DISC1: variants seen among roughly 807,000 people sequenced by gnomAD.
The protein encoded by DISC1 is DISC1 scaffold protein.
In DISC1, 57 loss-of-function variants were observed where a neutral mutation model predicts 84.5. That is an observed-to-expected ratio of 0.67 (90% CI 0.55 to 0.84). DISC1 has a LOEUF of 0.84. Among genes scored for constraint, DISC1 ranks in the 40% least tolerant of loss-of-function variants. The pLI is 0.00. For missense variants in DISC1, 1,000 were observed against 1,057.8 expected (o/e 0.95, Z 0.76); for synonymous variants, 411 against 415.2 (o/e 0.99, Z 0.12).
At chr1:231,821,060 C>T (rs1192616660) in intron 9 of DISC1, among the ~76,000 whole-genome samples, 2 of 152,160 alleles carry the variant, frequency 1.3e-5, no homozygotes, top group Middle Eastern at 3.4e-3. Context: ...GTGAGTCCAC[C>T]GAGGTCAGAA....
At chr1:231,881,250 A>G (rs1008321765) in intron 9 of DISC1, among the ~76,000 whole-genome samples, 5 of 152,154 alleles carry the variant, frequency 3.3e-5, no homozygotes, top group Non-Finnish European at 5.9e-5. Context: ...TGCCATAACC[A>G]AAGACCACAA....
intron 3 of DISC1, among the ~76,000 whole-genome samples, chr1:231,741,487 G>T (rs1258225638): frequency 6.6e-6 from 1 of 152,204 alleles, no homozygotes; most frequent in Non-Finnish European, 1.5e-5. Context: ...TTTGCTGTGA[G>T]CCAGGCAGCA....
intron 11 of DISC1, among the ~76,000 whole-genome samples, chr1:232,019,355 G>GA (rs1015508352): frequency 2.0e-5 from 3 of 152,040 alleles, no homozygotes; most frequent in Non-Finnish European, 2.9e-5. Context: ...GTTCAGAAAG[G>GA]AAAAAAATAA....
chr1:231,868,736 T>TATA (rs2085246169), intron 9 of DISC1, among the ~76,000 whole-genome samples: 1 of 108,270 alleles, frequency 9.2e-6, no homozygotes, highest in Non-Finnish European at 2.0e-5. Context: ...ATATATATAT[T>TATA]TAGCTGGGCA....
intron 1 of DISC1, among the ~76,000 whole-genome samples, chr1:231,634,164 G>A (rs2058990265): frequency 6.6e-6 from 1 of 152,082 alleles, no homozygotes; most frequent in Non-Finnish European, 1.5e-5. Context: ...GATTACAGGA[G>A]TGAGCCACCG....
At chr1:231,779,093 T>A (rs1439400306) in intron 6 of DISC1, among the ~76,000 whole-genome samples, 4 of 152,170 alleles carry the variant, frequency 2.6e-5, no homozygotes, top group Non-Finnish European at 5.9e-5. Context: ...CTCACACCCC[T>A]GCACCTAAAG....
At chr1:232,017,768 C>T (rs942273897) in intron 11 of DISC1, among the ~76,000 whole-genome samples, 1 of 152,140 alleles carries the variant, frequency 6.6e-6, no homozygotes, top group Non-Finnish European at 1.5e-5. Context: ...AGCACAATGT[C>T]TGAAAGAGAG....
intron 8 of DISC1, among the ~76,000 whole-genome samples, chr1:231,804,081 A>G (rs1163715525): frequency 6.6e-6 from 1 of 152,086 alleles, no homozygotes; most frequent in African/African-American, 2.4e-5. Context: ...GGCAAGGGGA[A>G]GGAAACAGGT....
intron 10 of DISC1, among the ~76,000 whole-genome samples, chr1:231,980,550 T>C (rs1309255330): frequency 6.6e-6 from 1 of 152,218 alleles, no homozygotes; most frequent in African/African-American, 2.4e-5. Context: ...TTCAGCCAGA[T>C]GGTTTGCCAA....
chr1:231,978,717 C>G (rs547304591), intron 10 of DISC1, among the ~76,000 whole-genome samples: 1 of 152,290 alleles, frequency 6.6e-6, no homozygotes, highest in South Asian at 2.1e-4. Context: ...TGACATTAAC[C>G]TAGAAACTTC....
chr1:231,969,994 T>C (rs1280085588), intron 10 of DISC1, among the ~76,000 whole-genome samples: 1 of 152,218 alleles, frequency 6.6e-6, no homozygotes, highest in African/African-American at 2.4e-5. Context: ...TAATCCAGTC[T>C]ACCATTGATG....
intron 1 of DISC1, among the ~76,000 whole-genome samples, chr1:231,667,587 C>A (rs1416807337): frequency 9.2e-5 from 14 of 152,138 alleles, no homozygotes; most frequent in Non-Finnish European, 2.1e-4. Context: ...ATTTAAAATT[C>A]CCTTTCTTTT....
chr1:231,870,059 G>T (rs1477036037), intron 9 of DISC1, among the ~76,000 whole-genome samples: 1 of 152,132 alleles, frequency 6.6e-6, no homozygotes, highest in Non-Finnish European at 1.5e-5. Context: ...GAGTACGGGG[G>T]TCCTAGAGAC....
chr1:231,656,562 G>T (rs556501943), intron 1 of DISC1, among the ~76,000 whole-genome samples: 1 of 152,094 alleles, frequency 6.6e-6, no homozygotes, highest in East Asian at 1.9e-4. Flanking sequence ...TACTTTGGCT[G>T]TCTGTGCTCT....
intron 9 of DISC1, among the ~76,000 whole-genome samples, chr1:231,835,147 A>G (rs2082534620): frequency 6.6e-6 from 1 of 152,200 alleles, no homozygotes; most frequent in Admixed American, 6.5e-5. Context: ...CAGAGGTCAT[A>G]GGTGGATCTT....
intron 9 of DISC1, among the ~76,000 whole-genome samples, chr1:231,956,857 A>G (rs1659595327): frequency 6.6e-6 from 1 of 152,150 alleles, no homozygotes; most frequent in Non-Finnish European, 1.5e-5. Flanking sequence ...TTAAACACCT[A>G]CACAGGGCCT....
At chr1:231,927,977 A>T (rs1351640337) in intron 9 of DISC1, among the ~76,000 whole-genome samples, 3 of 152,188 alleles carry the variant, frequency 2.0e-5, no homozygotes, top group Admixed American at 2.0e-4. Flanking sequence ...ACTTGGACCT[A>T]GGAACTCCCT....
intron 10 of DISC1, among the ~76,000 whole-genome samples, chr1:231,960,385 C>G (rs972404022): frequency 1.3e-5 from 2 of 152,130 alleles, no homozygotes; most frequent in African/African-American, 4.8e-5. Context: ...TCCCAAGTAG[C>G]TTGGATTACA....
chr1:231,800,460 T>A (rs1427833475), intron 8 of DISC1, among the ~76,000 whole-genome samples: 1 of 152,204 alleles, frequency 6.6e-6, no homozygotes, highest in Non-Finnish European at 1.5e-5. Context: ...GTGTGCCATA[T>A]GATTCTAGCA....
Sources: allele counts gnomAD v4.1 joint callset (sites outside exome capture counted in the v4.1 genomes callset), GRCh38; gene constraint gnomAD v4.1.1; transcripts MANE v1.5; gene names NCBI Gene and HGNC (gene_info 2026-07-23, HGNC 2026-07-21).